The following DENND5B variants were observed in gnomAD, a reference collection of about 807,000 sequenced individuals.
DENND5B encodes DENN domain-containing protein 5B.
Under a neutral mutation model 140.6 loss-of-function variants are expected in DENND5B, and 34 were observed. The observed-to-expected ratio is 0.24, with a 90% CI of 0.18 to 0.32. The LOEUF is 0.32. DENND5B is among the 10% of genes least tolerant of loss of function. The probability of loss-of-function intolerance (pLI) is 1.00; values close to 1 mark genes in which losing one functional copy is unlikely to be tolerated. For missense variants in DENND5B, 1,142 were observed against 1,560.2 expected, an observed-to-expected ratio of 0.73 and a Z score of 4.52; for synonymous variants, 551 against 562.1, an observed-to-expected ratio of 0.98 and a Z score of 0.28.
chr12:31,512,320 G>A (rs73084461), intron 1 of DENND5B, among the ~76,000 whole-genome samples: 12 of 151,326 alleles, frequency 7.9e-5, no homozygotes, highest in Non-Finnish European at 1.8e-4. Flanking sequence ...CTTGTCAAGC[G>A]ACCCTCCCAC....
intron 3 of DENND5B, among the ~76,000 whole-genome samples, chr12:31,478,670 C>T (rs1945931521): frequency 6.6e-6 from 1 of 151,170 alleles, no homozygotes; most frequent in African/African-American, 2.4e-5. Context: ...TACTGCACTC[C>T]AGCCTGGGTG....
chr12:31,411,091 T>A (rs1017405432), intron 13 of DENND5B, among the ~76,000 whole-genome samples: 1 of 150,068 alleles, frequency 6.7e-6, no homozygotes, highest in Non-Finnish European at 1.5e-5. Context: ...CAGGCTAGAG[T>A]GCAATGGCAC....
intron 2 of DENND5B, among the ~76,000 whole-genome samples, chr12:31,494,129 C>CTA (rs1946642974): frequency 6.6e-6 from 1 of 151,398 alleles, no homozygotes; most frequent in Non-Finnish European, 1.5e-5. Context: ...GGTTGACTAT[C>CTA]TCTCTATCTT....
chr12:31,579,093 C>A (rs1172471097), intron 1 of DENND5B, among the ~76,000 whole-genome samples: 1 of 152,134 alleles, frequency 6.6e-6, no homozygotes, highest in Non-Finnish European at 1.5e-5. Flanking sequence ...TAGCTTTCTG[C>A]ATGAGTGATA....
chr12:31,472,948 T>A (rs572289099), intron 3 of DENND5B, among the ~76,000 whole-genome samples: 50 of 148,288 alleles, frequency 3.4e-4, no homozygotes, highest in African/African-American at 1.1e-3. Flanking sequence ...GAAGTCTTTT[T>A]AAAAAAAAAA....
At chr12:31,460,503 G>A in intron 3 of DENND5B, 122 bp from the exon 4 acceptor site, 2 of 876,854 alleles carry the variant, frequency 2.3e-6, no homozygotes, top group Non-Finnish European at 3.4e-6. Flanking sequence ...ATTTCTTTAT[G>A]ATCATACAGA....
intron 1 of DENND5B, among the ~76,000 whole-genome samples, chr12:31,527,224 A>G (rs2139050241): frequency 6.6e-6 from 1 of 152,310 alleles, no homozygotes; most frequent in South Asian, 2.1e-4. Context: ...TTAGGCAGAC[A>G]TGAAGGAGGT....
In DENND5B at chr12:31,409,235, C is replaced by A. The variant is rs374486878; in HGVS notation, c.2803+28G>T. Reference sequence around the variant, plus strand: ...TTTATTGCATTGGTCACCTCAGTAACCCTTAACGGTCAATTCTCTAGACTT... The same window carrying A: ...TTTATTGCATTGGTCACCTCAGTAAACCTTAACGGTCAATTCTCTAGACTT... On this transcript the variant is annotated intron_variant, in intron 14 of 20. Coordinates refer to ENST00000389082, the MANE Select transcript of DENND5B (RefSeq NM_144973.4). The A allele has an allele frequency of 3.2e-5, 49 of 1,552,174 alleles. 1 individual carries two copies. Among genetic ancestry groups the A allele is most frequent in the South Asian group, 2.3e-4 (19 of 81,660 alleles).
intron 3 of DENND5B, among the ~76,000 whole-genome samples, chr12:31,462,336 T>C (rs1390222270): frequency 6.8e-6 from 1 of 146,614 alleles, no homozygotes; most frequent in African/African-American, 2.6e-5. Flanking sequence ...GCAATATGGG[T>C]CTTTTATCCC....
intron 17 of DENND5B, among the ~76,000 whole-genome samples, chr12:31,394,429 G>A (rs1434998768): frequency 2.0e-5 from 3 of 152,132 alleles, no homozygotes; most frequent in Non-Finnish European, 4.4e-5. Flanking sequence ...GACTGACTCA[G>A]ATGTTATAAT....
intron 1 of DENND5B, among the ~76,000 whole-genome samples, chr12:31,513,432 T>C (rs1759193881): frequency 6.6e-6 from 1 of 152,250 alleles, no homozygotes; most frequent in South Asian, 2.1e-4. Flanking sequence ...TATCTACCTC[T>C]ATCATTTGGA....
At chr12:31,512,521 T>C (rs1044981538) in intron 1 of DENND5B, among the ~76,000 whole-genome samples, 3 of 152,158 alleles carry the variant, frequency 2.0e-5, no homozygotes, top group African/African-American at 7.2e-5. Flanking sequence ...CATGAGCCAC[T>C]GCACTCAGCC....
chr12:31,488,196 G>C (rs1313069132), intron 2 of DENND5B, among the ~76,000 whole-genome samples: 2 of 147,706 alleles, frequency 1.4e-5, no homozygotes, highest in Non-Finnish European at 3.0e-5. Context: ...GGCTGGTCTT[G>C]AACTTCTGGT....
intron 1 of DENND5B, among the ~76,000 whole-genome samples, chr12:31,555,042 C>G (rs899033572): frequency 6.6e-6 from 1 of 152,168 alleles, no homozygotes; most frequent in East Asian, 1.9e-4. Context: ...TCATCTGAAG[C>G]CTTCTTCTCT....
At chr12:31,490,314 T>A (rs1258370044) in intron 2 of DENND5B, among the ~76,000 whole-genome samples, 1 of 152,108 alleles carries the variant, frequency 6.6e-6, no homozygotes, top group African/African-American at 2.4e-5. Context: ...ATTCCTATAA[T>A]TTTACTGTGA....
At chr12:31,414,760 G>A (rs1353886017) in intron 12 of DENND5B, among the ~76,000 whole-genome samples, 5 of 151,902 alleles carry the variant, frequency 3.3e-5, no homozygotes, top group South Asian at 4.2e-4. Context: ...AAACCCTGTC[G>A]CTACTAAAAA....
intron 15 of DENND5B, among the ~76,000 whole-genome samples, chr12:31,400,928 C>T (rs1444608726): frequency 6.6e-6 from 1 of 151,646 alleles, no homozygotes; most frequent in African/African-American, 2.4e-5. Flanking sequence ...CCACAACCTC[C>T]GCCTCCCGGA....
At chr12:31,536,067 A>G (rs1948483185) in intron 1 of DENND5B, among the ~76,000 whole-genome samples, 1 of 152,098 alleles carries the variant, frequency 6.6e-6, no homozygotes, top group Non-Finnish European at 1.5e-5. Flanking sequence ...TCCTGCTTCT[A>G]ATCATGTGAG....
intron 11 of DENND5B, chr12:31,420,152 G>A (rs1290419296): frequency 3.7e-6 from 3 of 800,838 alleles, no homozygotes; most frequent in Non-Finnish European, 3.0e-6. Flanking sequence ...TTGGAGACAG[G>A]GTCTTGCTCT....
Sources: allele counts gnomAD v4.1 joint callset (sites outside exome capture counted in the v4.1 genomes callset), GRCh38; gene constraint gnomAD v4.1.1; transcripts MANE v1.5; gene names NCBI Gene and HGNC (gene_info 2026-07-23, HGNC 2026-07-21).